NCAM2: variants seen among roughly 807,000 people sequenced by gnomAD.
NCAM2 encodes N-CAM-2.
A neutral mutation model predicts 98.1 loss-of-function variants in NCAM2; 30 were observed. The observed-to-expected ratio is 0.31, with a 90% CI of 0.23 to 0.41. The LOEUF (loss-of-function observed/expected upper bound fraction) is 0.41. Among genes scored for constraint, NCAM2 ranks in the 10% least tolerant of loss-of-function variants. The pLI is 1.00. For synonymous variants in NCAM2, 368 were observed against 342.4 expected, an observed-to-expected ratio of 1.07 and a Z score of -0.83; for missense variants, 867 against 1,005.8, an observed-to-expected ratio of 0.86 and a Z score of 1.87.
At chr21:21,405,299 G>A (rs543123372) in intron 9 of NCAM2, among the ~76,000 whole-genome samples, 1 of 151,948 alleles carries the variant, frequency 6.6e-6, no homozygotes, top group African/African-American at 2.4e-5. Flanking sequence ...TGCCAAACAC[G>A]TTAGTATTAA....
At chr21:21,224,656 T>C (rs2147150507) in intron 1 of NCAM2, among the ~76,000 whole-genome samples, 1 of 152,194 alleles carries the variant, frequency 6.6e-6, no homozygotes, top group East Asian at 1.9e-4. Flanking sequence ...AGTGGCAATA[T>C]TTGGTAAAGT....
intron 9 of NCAM2, among the ~76,000 whole-genome samples, chr21:21,391,057 A>G (rs985271782): frequency 3.3e-5 from 5 of 152,230 alleles, no homozygotes; most frequent in African/African-American, 1.2e-4. Context: ...TAGTTATTCA[A>G]TTTAATAATA....
chr21:21,466,867 A>C, intron 13 of NCAM2, 142 bp downstream of exon 13: 2 of 899,482 alleles, frequency 2.2e-6, no homozygotes, highest in Non-Finnish European at 3.3e-6. Flanking sequence ...GAAGACAGTG[A>C]CATCTGAGAT....
chr21:21,341,334 G>A (rs13051952), intron 8 of NCAM2, among the ~76,000 whole-genome samples: 3,856 of 151,932 alleles, frequency 0.025, 150 homozygotes, highest in African/African-American at 0.089. Flanking sequence ...TGCAGCCCAG[G>A]GCATAGGAAT....
intron 14 of NCAM2, among the ~76,000 whole-genome samples, chr21:21,474,792 C>T (rs1017167375): frequency 6.6e-5 from 10 of 151,888 alleles, no homozygotes; most frequent in Admixed American, 2.0e-4. Flanking sequence ...TGTGTATACA[C>T]AATTTATAAC....
intron 8 of NCAM2, among the ~76,000 whole-genome samples, chr21:21,368,113 G>T (rs2075829585): frequency 6.6e-6 from 1 of 151,626 alleles, no homozygotes; most frequent in East Asian, 1.9e-4. Context: ...TATTGAATAT[G>T]AAATACGGAA....
At chr21:21,048,344 G>A (rs2065039316) in intron 1 of NCAM2, among the ~76,000 whole-genome samples, 1 of 151,870 alleles carries the variant, frequency 6.6e-6, no homozygotes, top group Admixed American at 6.6e-5. Context: ...CCCCCTTTCT[G>A]AACCAACCCG....
At chr21:21,031,211 T>C (rs2064674650) in intron 1 of NCAM2, among the ~76,000 whole-genome samples, 1 of 152,216 alleles carries the variant, frequency 6.6e-6, no homozygotes, top group East Asian at 1.9e-4. Context: ...ATTGTTTTAC[T>C]GTTTATGTTT....
At chr21:21,518,517 T>C (rs1477483814) in intron 16 of NCAM2, among the ~76,000 whole-genome samples, 1 of 152,068 alleles carries the variant, frequency 6.6e-6, no homozygotes, top group Non-Finnish European at 1.5e-5. Context: ...TCTGTACTTT[T>C]ACATTGTCTT....
intron 2 of NCAM2, among the ~76,000 whole-genome samples, chr21:21,280,855 C>T (rs2072904327): frequency 6.7e-6 from 1 of 149,302 alleles, no homozygotes; most frequent in Non-Finnish European, 1.5e-5. Flanking sequence ...GATCTCGGCT[C>T]ACTGCAATCT....
chr21:21,530,480 T>G lies in NCAM2; in HGVS notation c.2283-4057T>G, dbSNP rs1989629200. On this transcript the variant is annotated intron_variant, in intron 16 of 17. Coordinates refer to ENST00000400546, the MANE Select transcript of NCAM2 (RefSeq NM_004540.5). ...TATTTGCTGCCTCATACATAAGCAT[T>G]AATATTTTTTTCCTTCCTTCCCAAT... is the stretch of plus-strand genomic sequence containing the variant. 4.6e-5 allele frequency among the ~76,000 whole-genome samples: 7 copies of G among 150,580 alleles called. No individual in the cohort carries two copies. The South Asian group carries it at 1.2e-3, about 27-fold the overall frequency.
At chr21:21,310,632 AC>A (rs2074018109) in intron 5 of NCAM2, among the ~76,000 whole-genome samples, 1 of 152,162 alleles carries the variant, frequency 6.6e-6, no homozygotes, top group South Asian at 2.1e-4. Context: ...AAACACAATG[AC>A]AATTTTTTAA....
intron 9 of NCAM2, among the ~76,000 whole-genome samples, chr21:21,407,210 T>C (rs1343980374): frequency 6.6e-6 from 1 of 152,254 alleles, no homozygotes; most frequent in Non-Finnish European, 1.5e-5. Flanking sequence ...ATGCTAATCT[T>C]GTGCCAGTGA....
At chr21:21,092,318 C>G (rs949242339) in intron 1 of NCAM2, among the ~76,000 whole-genome samples, 1 of 151,872 alleles carries the variant, frequency 6.6e-6, no homozygotes, top group Non-Finnish European at 1.5e-5. Flanking sequence ...TTTAAGTAGA[C>G]TTCTTATAAT....
intron 1 of NCAM2, among the ~76,000 whole-genome samples, chr21:21,017,402 G>A (rs1274043857): frequency 2.8e-5 from 3 of 107,196 alleles, no homozygotes; most frequent in African/African-American, 3.7e-5. Flanking sequence ...CTCCAGCCTG[G>A]CAACAGAGTG....
At chr21:21,138,339 C>T (rs1467120239) in intron 1 of NCAM2, among the ~76,000 whole-genome samples, 1 of 152,168 alleles carries the variant, frequency 6.6e-6, no homozygotes, top group East Asian at 1.9e-4. Flanking sequence ...ATAGTAAAAA[C>T]AAGACAAAGC....
chr21:21,197,388 C>T (rs1325242755), intron 1 of NCAM2, among the ~76,000 whole-genome samples: 1 of 152,138 alleles, frequency 6.6e-6, no homozygotes, highest in Non-Finnish European at 1.5e-5. Context: ...CCTTGTCCTC[C>T]AAAAGTGCTG....
intron 9 of NCAM2, among the ~76,000 whole-genome samples, chr21:21,386,892 G>T (rs1382283194): frequency 6.6e-6 from 1 of 152,126 alleles, no homozygotes; most frequent in Non-Finnish European, 1.5e-5. Flanking sequence ...GTTGGCGTCT[G>T]TTTAACAGTC....
At chr21:21,335,130 A>G (rs184343349) in intron 6 of NCAM2, among the ~76,000 whole-genome samples, 101 of 152,194 alleles carry the variant, frequency 6.6e-4, no homozygotes, top group East Asian at 3.1e-3. Flanking sequence ...GTAAATAAAT[A>G]TATATAATAA....
Sources: gnomAD v4.1 joint callset for allele counts (sites outside exome capture counted in the v4.1 genomes callset) on GRCh38, gnomAD v4.1.1 for gene constraint, MANE v1.5 for transcripts, NCBI Gene and HGNC (gene_info 2026-07-23, HGNC 2026-07-21) for gene names.